Variants in TRAPPC9 observed in about 807,000 individuals in gnomAD.
The protein encoded by TRAPPC9 is trafficking protein particle complex subunit 9.
TRAPPC9 carries 83 observed loss-of-function variants against 124.0 expected under a neutral mutation model. The observed-to-expected ratio is 0.67, with a 90% confidence interval of 0.56 to 0.80. TRAPPC9 has a LOEUF of 0.80. Among genes scored for constraint, TRAPPC9 ranks in the 30% least tolerant of loss-of-function variants. The pLI is 0.00. For missense variants in TRAPPC9, 1,302 were observed against 1,508.3 expected, an observed-to-expected ratio of 0.86 and a Z score of 2.27; for synonymous variants, 638 against 617.5, an observed-to-expected ratio of 1.03 and a Z score of -0.49.
rs558665454 is a variant in TRAPPC9, at chr8:139,786,316, C to T, written c.3056-54114G>A. Among the ~76,000 whole-genome samples the T allele has an allele frequency of 4.7e-4, 72 of 152,220 alleles. 1 individual carries two copies. Among genetic ancestry groups the T allele is most frequent in the African/African-American group, 1.7e-3 (70 of 41,530 alleles). ...GGTAAGCATATAAGGTACTTAACAC[C>T]GTGAGTCAGTAGGGAGATGCAAATC... On this transcript the variant is annotated intron_variant, in intron 21 of 22. Transcript: ENST00000438773.
At chr8:140,237,073 G>C (rs966857829) in intron 16 of TRAPPC9, among the ~76,000 whole-genome samples, 1 of 152,082 alleles carries the variant, frequency 6.6e-6, no homozygotes, top group African/African-American at 2.4e-5. Flanking sequence ...CCCAGCTACT[G>C]AGGAGGCTGA....
At chr8:140,278,762 A>C (rs2065206815) in intron 14 of TRAPPC9, among the ~76,000 whole-genome samples, 1 of 152,176 alleles carries the variant, frequency 6.6e-6, no homozygotes, top group Non-Finnish European at 1.5e-5. Context: ...GCCAGGCTCC[A>C]TCTGGGCACC....
chr8:139,786,936 G>A (rs1375599278), intron 21 of TRAPPC9, among the ~76,000 whole-genome samples: 2 of 152,128 alleles, frequency 1.3e-5, no homozygotes, highest in African/African-American at 2.4e-5. Flanking sequence ...AGAGATGAAC[G>A]CACTCCGTCC....
intron 19 of TRAPPC9, among the ~76,000 whole-genome samples, chr8:139,945,678 C>T (rs971152049): frequency 6.6e-6 from 1 of 152,088 alleles, no homozygotes; most frequent in African/African-American, 2.4e-5. Flanking sequence ...GGCCCACGTC[C>T]TCTTCCAGTG....
intron 15 of TRAPPC9, among the ~76,000 whole-genome samples, chr8:140,267,821 C>T (rs1392859798): frequency 1.3e-5 from 2 of 152,106 alleles, no homozygotes; most frequent in African/African-American, 2.4e-5. Flanking sequence ...TGCCCACCAC[C>T]AAGCACAGCC....
At chr8:140,018,261 C>T (rs561208546) in intron 18 of TRAPPC9, among the ~76,000 whole-genome samples, 2 of 151,190 alleles carry the variant, frequency 1.3e-5, no homozygotes, top group East Asian at 3.9e-4. Flanking sequence ...GATTCTACTG[C>T]ATATATTATT....
chr8:140,074,404 C>T (rs756854597), intron 17 of TRAPPC9, among the ~76,000 whole-genome samples: 1 of 152,226 alleles, frequency 6.6e-6, no homozygotes, highest in Non-Finnish European at 1.5e-5. Flanking sequence ...GCAAGTGCAT[C>T]CCCTTCCAGC....
At chr8:139,820,722 G>A (rs1825197988) in intron 21 of TRAPPC9, among the ~76,000 whole-genome samples, 1 of 152,178 alleles carries the variant, frequency 6.6e-6, no homozygotes, top group Non-Finnish European at 1.5e-5. Context: ...CAGTAGAACA[G>A]ATAATTCAGA....
At chr8:139,971,714 T>C (rs1836081401) in intron 19 of TRAPPC9, among the ~76,000 whole-genome samples, 1 of 67,904 alleles carries the variant, frequency 1.5e-5, no homozygotes, top group South Asian at 5.3e-4. Flanking sequence ...AAAGTTCATA[T>C]ATATATATAC....
At chr8:140,349,374 A>AG (rs1371474376) in intron 9 of TRAPPC9, among the ~76,000 whole-genome samples, 15 of 72,282 alleles carry the variant, frequency 2.1e-4, no homozygotes, top group South Asian at 4.0e-4. Flanking sequence ...CGCGCGAGGG[A>AG]AGGGCACACA....
intron 21 of TRAPPC9, among the ~76,000 whole-genome samples, chr8:139,797,875 G>C (rs1162321133): frequency 6.6e-6 from 1 of 152,190 alleles, no homozygotes; most frequent in Non-Finnish European, 1.5e-5. Context: ...CCTTATGCCA[G>C]CACCACATTG....
intron 7 of TRAPPC9, among the ~76,000 whole-genome samples, chr8:140,388,321 T>C (rs2068816947): frequency 6.7e-6 from 1 of 148,306 alleles, no homozygotes; most frequent in Non-Finnish European, 1.5e-5. Flanking sequence ...GGCACATGTA[T>C]ACATACGTAA....
chr8:139,876,684 A>G (rs1829342494), intron 21 of TRAPPC9, among the ~76,000 whole-genome samples: 2 of 152,152 alleles, frequency 1.3e-5, no homozygotes, highest in African/African-American at 4.8e-5. Context: ...GGATGGATCA[A>G]TCAATCAATC....
chr8:140,076,122 G>A (rs537683149), intron 17 of TRAPPC9, among the ~76,000 whole-genome samples: 1 of 152,322 alleles, frequency 6.6e-6, no homozygotes, highest in South Asian at 2.1e-4. Flanking sequence ...AGAGACGCAA[G>A]CTGTCCAACC....
intron 21 of TRAPPC9, among the ~76,000 whole-genome samples, chr8:139,821,267 AC>A (rs1825233624): frequency 6.6e-6 from 1 of 152,272 alleles, no homozygotes; most frequent in Admixed American, 6.5e-5. Flanking sequence ...GAAAGCAGCA[AC>A]AATGTGTTTC....
At chr8:139,934,592 G>A (rs1006224353) in intron 19 of TRAPPC9, among the ~76,000 whole-genome samples, 1 of 152,074 alleles carries the variant, frequency 6.6e-6, no homozygotes, top group Non-Finnish European at 1.5e-5. Context: ...CTTCTAAACC[G>A]CTCAGCAATT....
At chr8:140,221,942 C>T (rs553693731) in intron 16 of TRAPPC9, among the ~76,000 whole-genome samples, 1 of 152,288 alleles carries the variant, frequency 6.6e-6, no homozygotes, top group East Asian at 1.9e-4. Flanking sequence ...ACTATTCTAC[C>T]TTGTATCAGT....
chr8:140,050,563 C>A (rs1459635492), intron 17 of TRAPPC9, among the ~76,000 whole-genome samples: 1 of 152,118 alleles, frequency 6.6e-6, no homozygotes, highest in Non-Finnish European at 1.5e-5. Context: ...CATGCACCAG[C>A]CTCCATGACT....
chr8:139,948,248 AACACACACACAC>A (rs141771160), intron 19 of TRAPPC9, among the ~76,000 whole-genome samples: 4,110 of 144,668 alleles, frequency 0.028, 136 homozygotes, highest in African/African-American at 0.076. Context: ...TGGTTCATAA[AACACACACACAC>A]ACACACACAC....
Sources: gnomAD v4.1 joint callset for allele counts (sites outside exome capture counted in the v4.1 genomes callset) on GRCh38, gnomAD v4.1.1 for gene constraint, MANE v1.5 for transcripts, NCBI Gene and HGNC (gene_info 2026-07-23, HGNC 2026-07-21) for gene names.